SLC8A3: variants seen among roughly 807,000 people sequenced by gnomAD.
SLC8A3 encodes the protein sodium/calcium exchanger 3.
In SLC8A3, 37 loss-of-function variants were observed where a neutral mutation model predicts 65.4. The ratio of observed to expected loss-of-function variants is 0.57; its 90% CI spans 0.44 to 0.74. The LOEUF (loss-of-function observed/expected upper bound fraction) is 0.74, where lower values mean the gene tolerates loss of function less well. Among genes scored for constraint, SLC8A3 ranks in the 30% least tolerant of loss-of-function variants. SLC8A3 has a pLI of 0.00. For missense variants in SLC8A3, 1,112 were observed against 1,172.1 expected, an observed-to-expected ratio of 0.95 and a Z score of 0.75; for synonymous variants, 461 against 444.5, an observed-to-expected ratio of 1.04 and a Z score of -0.47.
At chr14:70,186,819 C>T (rs1431788940) in intron 1 of SLC8A3, among the ~76,000 whole-genome samples, 2 of 152,220 alleles carry the variant, frequency 1.3e-5, no homozygotes, top group African/African-American at 2.4e-5. Context: ...GCCAGTGACG[C>T]CAGCAAAAAG....
At chr14:70,182,868 T>TCCAGCACCAG (rs1882874478) in intron 1 of SLC8A3, among the ~76,000 whole-genome samples, 1 of 152,148 alleles carries the variant, frequency 6.6e-6, no homozygotes, top group African/African-American at 2.4e-5. Context: ...CTGGGGCAGT[T>TCCAGCACCAG]TACCAAAGTA....
At chr14:70,148,242 T>C (rs1896055247) in intron 2 of SLC8A3, among the ~76,000 whole-genome samples, 1 of 152,188 alleles carries the variant, frequency 6.6e-6, no homozygotes, top group African/African-American at 2.4e-5. Context: ...GTTCTGTGGG[T>C]TATATGAAAT....
chr14:70,052,191 T>C, intron 3 of SLC8A3, 77 bp from the exon 4 acceptor site: 3 of 1,495,404 alleles, frequency 2.0e-6, no homozygotes, highest in South Asian at 2.8e-5. Flanking sequence ...GTATTAGGCA[T>C]GGGCAGTGGG....
intron 2 of SLC8A3, among the ~76,000 whole-genome samples, chr14:70,093,657 C>T (rs1057409986): frequency 6.6e-6 from 1 of 152,202 alleles, no homozygotes; most frequent in Admixed American, 6.5e-5. Flanking sequence ...AAGAACTGGC[C>T]TCATGCACCT....
rs1886761936 is a variant in SLC8A3, at chr14:70,046,166, G to T, written c.2547C>A (p.His849Gln). The change falls in exon 7 of 7, where the codon CAC (histidine) becomes CAA (glutamine). Residue 849 changes from histidine (H) to glutamine (Q), a missense_variant. Coordinates refer to ENST00000356921, the MANE Select transcript of SLC8A3 (RefSeq NM_182932.3). This position sits in a 1 kb window ranked among gnomAD's most constrained non-coding sequence, Gnocchi z 4.2. Reference protein sequence around the residue: ...IYWALQGQEFHVSAGTLAFSV... With the variant: ...IYWALQGQEFQVSAGTLAFSV... Reference sequence around the variant, plus strand: ...AGAAGGCCAGTGTGCCGGCCGACACGTGGAACTCCTGTCCCTGCAGAGCCC... The same window carrying T: ...AGAAGGCCAGTGTGCCGGCCGACACTTGGAACTCCTGTCCCTGCAGAGCCC... 1.2e-6 allele frequency: 2 copies of T among 1,614,202 alleles called. No individual in the cohort carries two copies. The highest frequency in any genetic ancestry group is 1.7e-6 in the Non-Finnish European group (2 of 1,180,026).
intron 2 of SLC8A3, among the ~76,000 whole-genome samples, chr14:70,144,542 A>T (rs909019081): frequency 6.6e-6 from 1 of 151,542 alleles, no homozygotes; most frequent in Non-Finnish European, 1.5e-5. Flanking sequence ...AGGCAGGAGA[A>T]TCGCTTGAAC....
intron 5 of SLC8A3, among the ~76,000 whole-genome samples, chr14:70,049,289 G>T (rs887712319): frequency 1.3e-5 from 2 of 152,146 alleles, no homozygotes; most frequent in Non-Finnish European, 2.9e-5. Context: ...CAGGGAATAA[G>T]GAAGAGAAGA....
intron 2 of SLC8A3, among the ~76,000 whole-genome samples, chr14:70,085,503 G>A (rs953893569): frequency 6.6e-6 from 1 of 151,888 alleles, no homozygotes; most frequent in South Asian, 2.1e-4. Context: ...CCTTTAACCC[G>A]ACCCACCTCC....
At chr14:70,135,260 G>C (rs1436349582) in intron 2 of SLC8A3, among the ~76,000 whole-genome samples, 1 of 152,184 alleles carries the variant, frequency 6.6e-6, no homozygotes, top group Non-Finnish European at 1.5e-5. Context: ...GCAAGGATGT[G>C]GAGAAAGGAG....
At chr14:70,068,696 C>T (rs1397767790) in intron 2 of SLC8A3, among the ~76,000 whole-genome samples, 1 of 151,916 alleles carries the variant, frequency 6.6e-6, no homozygotes, top group Non-Finnish European at 1.5e-5. Flanking sequence ...TTATTTCATT[C>T]TTATTTCTGC....
chr14:70,095,634 T>C (rs1892121867), intron 2 of SLC8A3, among the ~76,000 whole-genome samples: 2 of 152,232 alleles, frequency 1.3e-5, no homozygotes, highest in African/African-American at 2.4e-5. Flanking sequence ...AAGGATACTA[T>C]GGCTGCCTGA....
intron 2 of SLC8A3, among the ~76,000 whole-genome samples, chr14:70,072,301 A>C (rs1274368845): frequency 6.6e-6 from 1 of 152,186 alleles, no homozygotes; most frequent in Non-Finnish European, 1.5e-5. Context: ...TTATGGACCT[A>C]GGGTTCAGGA....
intron 2 of SLC8A3, among the ~76,000 whole-genome samples, chr14:70,134,621 A>C (rs1407784880): frequency 6.6e-6 from 1 of 152,162 alleles, no homozygotes; most frequent in East Asian, 1.9e-4. Context: ...CTCTACTGCT[A>C]TCACCTTAGT....
At chr14:70,147,265 T>C (rs902006651) in intron 2 of SLC8A3, among the ~76,000 whole-genome samples, 8 of 152,196 alleles carry the variant, frequency 5.3e-5, no homozygotes, top group Admixed American at 4.6e-4. Flanking sequence ...GCCTATTCTA[T>C]CTCATTTAGT....
intron 2 of SLC8A3, among the ~76,000 whole-genome samples, chr14:70,153,307 G>C (rs868864242): frequency 6.6e-6 from 1 of 152,166 alleles, no homozygotes; most frequent in African/African-American, 2.4e-5. Context: ...GGGAAGAACC[G>C]GGTGCTGCTC....
Position 70,167,481 on chromosome 14 carries a change from T to C in SLC8A3, c.942A>G (p.Arg314=), listed in dbSNP as rs1897243930. ...GATCCTTGAGAATCCGGATCATCTCTCTGCGGGACTCATCCACTTCCTTCC... is the reference window on the plus strand; with the variant it reads ...GATCCTTGAGAATCCGGATCATCTCCCTGCGGGACTCATCCACTTCCTTCC... ...LEGKEVDESR[R]EMIRILKDLK... is the part of the protein sequence containing the mutation. The change falls in exon 2 of 7, where the codon AGA becomes AGG. Residue 314 remains arginine, a synonymous_variant. Coordinates refer to ENST00000356921, the MANE Select transcript of SLC8A3 (RefSeq NM_182932.3). 18 of 1,614,130 alleles carry C rather than the reference T, an allele frequency of 1.1e-5. No homozygotes were observed. Among genetic ancestry groups the C allele is most frequent in the Non-Finnish European group, 1.5e-5 (18 of 1,180,028 alleles).
At chr14:70,064,683 C>T (rs939002943) in intron 2 of SLC8A3, among the ~76,000 whole-genome samples, 5 of 152,172 alleles carry the variant, frequency 3.3e-5, no homozygotes, top group African/African-American at 1.2e-4. Flanking sequence ...AGCTGGATCA[C>T]ATTAACTCTA....
At position 70,167,350 on chromosome 14, in the gene SLC8A3, G is replaced by T. The variant is rs756275559; in HGVS notation, c.1073C>A (p.Ala358Asp). ...QKSRAFYRIQATRMMTGAGNI... is the reference protein window; with the variant it reads ...QKSRAFYRIQDTRMMTGAGNI... ...GCCTGCACCAGTCATCATACGAGTG[G>T]CTTGGATACGGTAGAAGGCACGGCT... The change falls in exon 2 of 7, where the codon GCC becomes GAC. Residue 358 changes from alanine to aspartate, a missense_variant. By Grantham distance (126) the Ala-to-Asp change is moderately radical (BLOSUM62 -2). Transcript: ENST00000356921. The T allele has an allele frequency of 2.9e-5, 46 of 1,614,010 alleles. No individual in the cohort carries two copies. The highest frequency in any genetic ancestry group is 3.5e-5 in the Non-Finnish European group (41 of 1,180,014).
chr14:70,061,490 A>G lies in SLC8A3; in HGVS notation c.1785-551T>C, dbSNP rs183527874. On this transcript the variant is annotated intron_variant, in intron 2 of 6. Coordinates refer to ENST00000356921, the MANE Select transcript of SLC8A3 (RefSeq NM_182932.3). ...TGAGTTTCAGAAAGAAAATTTTAAA[A>G]GAAAAGTATTTATGAGGAAGGAAAA... Among the ~76,000 whole-genome samples the G allele has an allele frequency of 6.1e-4, 93 of 152,176 alleles. 1 individual carries two copies. The highest frequency in any genetic ancestry group is 6.1e-3 in the Admixed American group (93 of 15,272).
Sources: gnomAD v4.1 joint callset for allele counts (sites outside exome capture counted in the v4.1 genomes callset) on GRCh38, gnomAD v4.1.1 for gene constraint, Gnocchi (gnomAD v3.1) non-coding constraint, MANE v1.5 for transcripts, NCBI Gene and HGNC (gene_info 2026-07-23, HGNC 2026-07-21) for gene names.